The following GSE1 variants were observed in gnomAD, a reference collection of about 807,000 sequenced individuals.
GSE1 encodes the protein genetic suppressor element 1.
In GSE1, 32 loss-of-function variants were observed where a neutral mutation model predicts 112.6. The ratio of observed to expected loss-of-function variants is 0.28; its 90% CI spans 0.21 to 0.38. The LOEUF (loss-of-function observed/expected upper bound fraction) is 0.38, where lower values mean the gene tolerates loss of function less well. Among genes scored for constraint, GSE1 ranks in the 10% least tolerant of loss-of-function variants. GSE1 has a pLI of 1.00. For synonymous variants in GSE1, 1,115 were observed against 735.6 expected, an observed-to-expected ratio of 1.52 and a Z score of -8.35; for missense variants, 2,348 against 1,699.2, an observed-to-expected ratio of 1.38 and a Z score of -6.71.
intron 1 of GSE1, among the ~76,000 whole-genome samples, chr16:85,196,147 C>T (rs866814547): frequency 2.0e-5 from 3 of 152,144 alleles, no homozygotes; most frequent in African/African-American, 4.8e-5. Context: ...TTAAGAAAAA[C>T]GTATGGTTTC....
intron 2 of GSE1, among the ~76,000 whole-genome samples, chr16:85,466,247 G>A (rs1207172055): frequency 5.9e-5 from 9 of 152,240 alleles, no homozygotes; most frequent in Non-Finnish European, 1.0e-4. Context: ...GGCTCTGGTA[G>A]CCAGGAGTGC....
chr16:85,267,557 C>T (rs1176930102), intron 1 of GSE1, among the ~76,000 whole-genome samples: 1 of 152,158 alleles, frequency 6.6e-6, no homozygotes, highest in African/African-American at 2.4e-5. Context: ...CCCCTGCGAG[C>T]TTGCATCTAG....
chr16:85,488,689 T>G (rs1363943505), intron 2 of GSE1, among the ~76,000 whole-genome samples: 2 of 152,004 alleles, frequency 1.3e-5, no homozygotes, highest in Non-Finnish European at 2.9e-5. Flanking sequence ...TTTCGAAGGA[T>G]GTGCAGGAGT....
intron 3 of GSE1, among the ~76,000 whole-genome samples, chr16:85,650,168 G>A (rs2151885331): frequency 6.6e-6 from 1 of 152,306 alleles, no homozygotes. Flanking sequence ...GGTGGACCCT[G>A]GCCACAGGGG....
chr16:85,471,445 A>G (rs1055359041), intron 2 of GSE1, among the ~76,000 whole-genome samples: 1 of 152,028 alleles, frequency 6.6e-6, no homozygotes, highest in Non-Finnish European at 1.5e-5. Flanking sequence ...GCAAAGTCTC[A>G]CTCCATCACC....
intron 1 of GSE1, among the ~76,000 whole-genome samples, chr16:85,569,265 G>C (rs566626107): frequency 6.6e-6 from 1 of 152,310 alleles, no homozygotes; most frequent in African/African-American, 2.4e-5. Context: ...GCTCACTCCT[G>C]TTAGGAGTGG....
Position 85,184,082 on chromosome 16 carries a change from G to A in GSE1, c.2283+12275G>A, listed in dbSNP as rs1352913217. ...GCGAACTCACTCCCTCAGAAGCAAG[G>A]CGTCACCTGTGATGTGTCAGGAAGG... On this transcript the variant is annotated intron_variant, in intron 1 of 2. Coordinates refer to the GSE1 transcript ENST00000637419. Among the ~76,000 whole-genome samples the A allele has an allele frequency of 2.0e-5, 3 of 152,314 alleles. No individual in the cohort carries two copies. In the East Asian group the frequency reaches 5.8e-4, roughly 29 times the overall value.
chr16:85,602,611 C>G (rs2047516471), intron 1 of GSE1, among the ~76,000 whole-genome samples: 1 of 152,196 alleles, frequency 6.6e-6, no homozygotes, highest in African/African-American at 2.4e-5. Flanking sequence ...TAGCCTATCT[C>G]TGGGTGGTGG....
rs1263649995 is a variant in GSE1, at chr16:85,331,351, G to A, written c.2284-26112G>A. Among the ~76,000 whole-genome samples, 16 of 118,574 alleles carry A rather than the reference G, an allele frequency of 1.3e-4. No individual in the cohort carries two copies. The East Asian group carries it at 1.6e-3, about 12-fold the overall frequency. 77.8% of individuals were successfully genotyped at this position (118,574 alleles called of 152,430 possible). On this transcript the variant is annotated intron_variant, in intron 1 of 2. Transcript: ENST00000637419. ...TGTGTGTGTGTGTGTGTGTGTGTGT[G>A]TGTGTGTGTGTGTGTATATATGTAT...
chr16:85,340,534 G>C (rs756180128), intron 1 of GSE1, among the ~76,000 whole-genome samples: 11 of 152,122 alleles, frequency 7.2e-5, no homozygotes, highest in Non-Finnish European at 1.6e-4. Flanking sequence ...CCAGACACTC[G>C]GGAGGCTGAG....
chr16:85,383,204 A>G (rs977377763), intron 2 of GSE1, among the ~76,000 whole-genome samples: 13 of 151,882 alleles, frequency 8.6e-5, no homozygotes, highest in African/African-American at 2.4e-4. Context: ...ACATCCACAC[A>G]CAGCCCTCTG....
intron 2 of GSE1, among the ~76,000 whole-genome samples, chr16:85,441,577 G>A (rs1383951339): frequency 2.6e-5 from 4 of 152,338 alleles, no homozygotes; most frequent in African/African-American, 9.6e-5. Context: ...AACCTGGGAG[G>A]CAGAGGTTGC....
chr16:85,443,199 C>T (rs925097193), intron 2 of GSE1, among the ~76,000 whole-genome samples: 13 of 152,234 alleles, frequency 8.5e-5, no homozygotes, highest in African/African-American at 2.4e-4. Context: ...CCCCCATTTC[C>T]TCCCCAGCGT....
chr16:85,239,178 C>A (rs112816143), intron 1 of GSE1, among the ~76,000 whole-genome samples: 2 of 152,294 alleles, frequency 1.3e-5, no homozygotes, highest in East Asian at 1.9e-4. Context: ...GTGATCCACC[C>A]ACCTCTGCCT....
chr16:85,192,261 G>T (rs1458182326), intron 1 of GSE1, among the ~76,000 whole-genome samples: 1 of 152,212 alleles, frequency 6.6e-6, no homozygotes, highest in Admixed American at 6.5e-5. Context: ...AGATGCTGGG[G>T]TTCAAATCGG....
In GSE1 at chr16:85,295,289, T is replaced by C. The variant is rs371779754; in HGVS notation, c.2284-62174T>C. On this transcript the variant is annotated intron_variant, in intron 1 of 2. Coordinates refer to the GSE1 transcript ENST00000637419. ...ATGGAATCCTGCAGTACAAGCTCTT[T>C]TGTGGCTTCTCTCACTCGGGACCAG... is the stretch of plus-strand genomic sequence containing the variant. Among the ~76,000 whole-genome samples, 3 of 152,216 alleles carry C rather than the reference T, an allele frequency of 2.0e-5. No homozygotes were observed. The South Asian group carries it at 6.2e-4, about 32-fold the overall frequency.
intron 2 of GSE1, among the ~76,000 whole-genome samples, chr16:85,645,155 G>A (rs1375112570): frequency 6.6e-6 from 1 of 151,692 alleles, no homozygotes; most frequent in Non-Finnish European, 1.5e-5. Flanking sequence ...TTGGGGTGGT[G>A]GAGTTCTCAG....
chr16:85,654,874 C>A lies in GSE1; in HGVS notation c.680C>A (p.Thr227Asn). ...DYLRSFRPYH[T>N]TDDLRMSSLP... ...CTGAGAAGCTTCCGGCCCTACCACA[C>A]CACCGACGACCTCCGCATGTCCTCA... is the stretch of plus-strand genomic sequence containing the variant. Residue 227 changes from threonine to asparagine, a missense_variant, in exon 5 of 16, where the codon ACC becomes AAC. Physicochemically the swap from Thr to Asn is moderately conservative, Grantham distance 65. Transcript: ENST00000253458. The A allele has an allele frequency of 6.2e-7, 1 of 1,611,644 alleles. No individual in the cohort carries two copies. The highest frequency in any genetic ancestry group is 8.5e-7 in the Non-Finnish European group (1 of 1,179,196).
chr16:85,616,327 T>G (rs914418312), intron 1 of GSE1, among the ~76,000 whole-genome samples: 2 of 152,140 alleles, frequency 1.3e-5, no homozygotes, highest in Non-Finnish European at 2.9e-5. Flanking sequence ...TCTGGAAGAG[T>G]GCGGATAAGC....
Sources: allele counts gnomAD v4.1 joint callset (sites outside exome capture counted in the v4.1 genomes callset), GRCh38; gene constraint gnomAD v4.1.1; transcripts MANE v1.5; gene names NCBI Gene and HGNC (gene_info 2026-07-23, HGNC 2026-07-21).